KDM6A: variants seen among roughly 807,000 people sequenced by gnomAD.
KDM6A encodes lysine demethylase 6A.
A neutral mutation model predicts 117.6 loss-of-function variants in KDM6A; 11 were observed. The observed-to-expected ratio is 0.09, with a 90% CI of 0.06 to 0.15. The LOEUF is 0.15. Ranked by LOEUF, KDM6A falls within the 10% of genes least tolerant of loss-of-function variation. KDM6A has a pLI of 1.00. For missense variants in KDM6A, 799 were observed against 1,077.3 expected (o/e 0.74, Z 3.62); for synonymous variants, 384 against 396.1 (o/e 0.97, Z 0.36).
rs775998128 is a variant in KDM6A, at chrX:44,886,449, G to A, written c.225+12462G>A. ...GGCCCCATGAATATTAATTCATTCCGTGAATGTGTATAGAAGTAGCCATAG... is the reference window on the plus strand; with the variant it reads ...GGCCCCATGAATATTAATTCATTCCATGAATGTGTATAGAAGTAGCCATAG... On this transcript the variant is annotated intron_variant, in intron 2 of 29. Transcript: ENST00000611820. Among the ~76,000 whole-genome samples the A allele has an allele frequency of 1.6e-4, 18 of 109,316 alleles. No individual in the cohort carries two copies. The South Asian group carries it at 5.8e-3, about 35-fold the overall frequency. The allele number at this position is 109,316 out of a possible 115,157, so 94.9% of individuals were successfully genotyped here.
intron 17 of KDM6A, 35 bp from the exon 18 acceptor site, chrX:45,069,544 A>C: frequency 8.7e-7 from 1 of 1,146,693 alleles, no homozygotes; most frequent in East Asian, 3.0e-5. Context: ...GAGTTTGCTT[A>C]ATATTAGATT....
intron 3 of KDM6A, among the ~76,000 whole-genome samples, chrX:44,971,157 A>G (rs772892285): frequency 2.7e-5 from 3 of 111,866 alleles, no homozygotes; most frequent in Non-Finnish European, 5.6e-5. Flanking sequence ...AGCTGGTTTG[A>G]TAAATTTGGT....
At chrX:44,979,155 G>T (rs755600721) in intron 4 of KDM6A, among the ~76,000 whole-genome samples, 83 of 112,297 alleles carry the variant, frequency 7.4e-4, no homozygotes, top group Non-Finnish European at 6.6e-4. Flanking sequence ...TTTCAAGGTG[G>T]TTATACCATT....
chrX:45,088,058 G>C (rs936794083), intron 25 of KDM6A, among the ~76,000 whole-genome samples: 28 of 110,876 alleles, frequency 2.5e-4, no homozygotes, highest in African/African-American at 9.2e-4. Flanking sequence ...TTTTTGGGGC[G>C]GGGGGTGTCT....
chrX:45,108,973 A>G (rs1388261348), intron 28 of KDM6A, among the ~76,000 whole-genome samples: 2 of 60,400 alleles, frequency 3.3e-5, no homozygotes, highest in African/African-American at 1.3e-4. Context: ...CTGTTGTGGG[A>G]TGGGGGGAGG....
At chrX:45,047,827 G>A (rs565835230) in intron 8 of KDM6A, among the ~76,000 whole-genome samples, 2 of 105,122 alleles carry the variant, frequency 1.9e-5, no homozygotes, top group South Asian at 8.7e-4. Context: ...GAGACTACAG[G>A]CGCGTGCCAT....
chrX:44,954,116 T>TA (rs903223364), intron 2 of KDM6A, among the ~76,000 whole-genome samples: 111 of 103,618 alleles, frequency 1.1e-3, no homozygotes, highest in African/African-American at 1.1e-3. Flanking sequence ...CTTTCCTCAT[T>TA]AAAAAAAAAA....
At chrX:45,063,328 A>G in intron 16 of KDM6A, 94 bp from the exon 17 acceptor site, 1 of 838,191 alleles carries the variant, frequency 1.2e-6, no homozygotes, top group Non-Finnish European at 1.8e-6. Flanking sequence ...ATACATCTTC[A>G]TATTCATCTG....
intron 4 of KDM6A, 127 bp from the exon 5 acceptor site, chrX:45,010,834 A>T (rs1219060894): frequency 1.0e-5 from 5 of 477,027 alleles, no homozygotes; most frequent in Non-Finnish European, 1.1e-5. Flanking sequence ...GTGTTTTAAA[A>T]ATATATTGTA....
intron 6 of KDM6A, among the ~76,000 whole-genome samples, chrX:45,026,642 T>C (rs1315668603): frequency 3.9e-5 from 4 of 102,071 alleles, no homozygotes; most frequent in Non-Finnish European, 2.0e-5. Flanking sequence ...GCCTGGCCAA[T>C]ATGGAGAAAT....
chrX:44,987,099 A>G (rs2147355082), intron 4 of KDM6A, among the ~76,000 whole-genome samples: 1 of 111,585 alleles, frequency 9.0e-6, no homozygotes, highest in Non-Finnish European at 1.9e-5. Context: ...GTGCTCCTGT[A>G]TTGGGTGCAT....
In KDM6A at chrX:45,060,726, A is replaced by C. The variant is rs1351702093; in HGVS notation, c.1447A>C (p.Ser483Arg). 3.8e-6 allele frequency: 4 copies of C among 1,063,316 alleles called. No homozygotes were observed. Among genetic ancestry groups the C allele is most frequent in the Non-Finnish European group, 5.0e-6 (4 of 807,131 alleles). 87.6% of individuals were successfully genotyped at this position (1,063,316 alleles called of 1,213,427 possible). Residue 483 changes from serine to arginine, a missense_variant, in exon 14 of 30, where the codon AGT (serine) becomes CGT (arginine). Around this residue, in one of 8 missense-constraint regions of KDM6A, gnomAD observed 301 missense variants for 318.3 expected, o/e 0.95. Transcript: ENST00000611820. The stretch of plus-strand genomic sequence containing the variant: ...TTCTAGCCAAGTAGATGACCTGTCC[A>C]GTCCTGCCAAGAGGAAAAGAACATC... Reference protein sequence around the residue: ...IPSSQVDDLSSPAKRKRTSSP... With the variant: ...IPSSQVDDLSRPAKRKRTSSP...
intron 3 of KDM6A, among the ~76,000 whole-genome samples, chrX:44,967,655 C>T (rs1306284318): frequency 9.0e-6 from 1 of 111,261 alleles, no homozygotes; most frequent in African/African-American, 3.3e-5. Context: ...ATGGTAGAAC[C>T]TGTTTTGTGT....
rs181554377 is a variant in KDM6A at position 44,975,561 on chromosome X, T to A, written c.384+846T>A. On this transcript the variant is annotated intron_variant, in intron 4 of 29. Coordinates refer to ENST00000611820, the MANE Select transcript of KDM6A (RefSeq NM_001291415.2). ...TCTTCTCTAATCTCTGGCTTTTTTT[T>A]AAAAGCTTTATCACATGCTATAAAA... 5.9e-3 allele frequency among the ~76,000 whole-genome samples: 658 copies of A among 111,861 alleles called. 5 individuals are homozygous for A. The highest frequency in any genetic ancestry group is 0.02 in the African/African-American group (616 of 30,823).
intron 8 of KDM6A, 75 bp downstream of exon 8, chrX:45,037,764 C>T (rs954437247): frequency 1.3e-6 from 1 of 793,405 alleles, no homozygotes; most frequent in African/African-American, 2.1e-5. Context: ...TTACTGAAAT[C>T]AGAAGTGTAC....
chrX:44,933,727 A>C (rs1446678771), intron 2 of KDM6A, among the ~76,000 whole-genome samples: 1 of 110,070 alleles, frequency 9.1e-6, no homozygotes, highest in Non-Finnish European at 1.9e-5. Flanking sequence ...ATAGGTGCCC[A>C]CCACCATGCC....
chrX:44,990,516 C>T (rs1452983622), intron 4 of KDM6A, among the ~76,000 whole-genome samples: 1 of 108,213 alleles, frequency 9.2e-6, no homozygotes, highest in African/African-American at 3.4e-5. Context: ...CGCCGTTGCA[C>T]TCCAGCTTGG....
At chrX:45,025,999 T>C (rs772791157) in intron 6 of KDM6A, among the ~76,000 whole-genome samples, 2 of 112,120 alleles carry the variant, frequency 1.8e-5, no homozygotes, top group Non-Finnish European at 3.8e-5. Flanking sequence ...ATGAGACTTG[T>C]GTGTTAGCTT....
At chrX:44,907,566 C>T (rs1053159420) in intron 2 of KDM6A, among the ~76,000 whole-genome samples, 13 of 103,828 alleles carry the variant, frequency 1.3e-4, no homozygotes, top group Non-Finnish European at 2.4e-4. Flanking sequence ...CTGCAACCTT[C>T]ACTTCCCGTG....
Sources: allele counts gnomAD v4.1 joint callset (sites outside exome capture counted in the v4.1 genomes callset), GRCh38; gene constraint gnomAD v4.1.1; regional missense constraint gnomAD v4.1.1; transcripts MANE v1.5; gene names NCBI Gene and HGNC (gene_info 2026-07-23, HGNC 2026-07-21).